Variants in KCNQ1OT1 observed in about 807,000 individuals in gnomAD.
KCNQ1OT1 encodes the protein KCNQ1 antisense RNA 2 (non-protein coding).
Position 2,683,700 on chromosome 11 carries a change from C to T in KCNQ1OT1, n.16295G>A. ...ACTGTGAAAAGCCTAGCCTGGGACT[C>T]AGGCCTTTCCTTACTCCCTCTGGTT... On this transcript the variant is annotated non_coding_transcript_exon_variant, in exon 1 of 1. Coordinates refer to ENST00000597346, the Ensembl canonical transcript of KCNQ1OT1. This position sits in a 1 kb window ranked among gnomAD's most constrained non-coding sequence, Gnocchi z 4.7. 2.5e-6 allele frequency: 1 copy of T among 398,630 alleles called. No homozygotes were observed. The highest frequency in any genetic ancestry group is 4.4e-6 in the Non-Finnish European group (1 of 226,072). The allele number at this position is 398,630 out of a possible 1,614,324, so 24.7% of individuals were successfully genotyped here. A position where few individuals can be genotyped will look rare whatever the true frequency, so the allele number is the denominator to read the frequency against.
Position 2,668,370 on chromosome 11 carries a change from G to A in KCNQ1OT1, n.31625C>T, listed in dbSNP as rs1850121784. The stretch of plus-strand genomic sequence containing the variant: ...GGGTGGGCATATGTTTACTCTTAGT[G>A]AATACTACCCAGCAGTCTACCAAAG... On this transcript the variant is annotated non_coding_transcript_exon_variant, in exon 1 of 1. Coordinates refer to ENST00000597346, the Ensembl canonical transcript of KCNQ1OT1. The surrounding 1 kb of genome is among the most constrained non-coding windows in gnomAD (Gnocchi z 4.3). 1 of 398,596 alleles carries A rather than the reference G, an allele frequency of 2.5e-6. No homozygotes were observed. Among genetic ancestry groups the A allele is most frequent in the Non-Finnish European group, 4.4e-6 (1 of 226,068 alleles). The allele number at this position is 398,596 out of a possible 1,614,324, so 24.7% of individuals were successfully genotyped here.
In KCNQ1OT1 at chr11:2,679,515, T is replaced by C; in HGVS notation, n.20480A>G. 1 of 398,614 alleles carries C rather than the reference T, an allele frequency of 2.5e-6. No individual in the cohort carries two copies. Among genetic ancestry groups the C allele is most frequent in the Non-Finnish European group, 4.4e-6 (1 of 226,058 alleles). The allele number at this position is 398,614 out of a possible 1,614,324, so 24.7% of individuals were successfully genotyped here. ...GTAGTGACACAGTGTTACTTAAATGTATTGCTATACCTCATGATGGCCATT... is the reference window on the plus strand; with the variant it reads ...GTAGTGACACAGTGTTACTTAAATGCATTGCTATACCTCATGATGGCCATT... On this transcript the variant is annotated non_coding_transcript_exon_variant, in exon 1 of 1. Transcript: ENST00000597346. This position sits in a 1 kb window ranked among gnomAD's most constrained non-coding sequence, Gnocchi z 4.8.
At chr11:2,636,524 A>G (rs1211872389) in exon 1 of KCNQ1OT1, 2 of 152,196 alleles carry the variant, frequency 1.3e-5, no homozygotes, top group African/African-American at 4.8e-5. Flanking sequence ...CTTGCATCCC[A>G]GGGATGAAGC....
exon 1 of KCNQ1OT1, chr11:2,699,785 C>T (rs1432284560): frequency 1.8e-5 from 7 of 397,370 alleles, no homozygotes; most frequent in Non-Finnish European, 3.1e-5. Flanking sequence ...CGAGGAGAAC[C>T]GCGCCGAGGG....
rs1023262640 is a variant in KCNQ1OT1 at position 2,690,687 on chromosome 11, T to C, written n.9308A>G. The C allele has an allele frequency of 3.3e-5, 13 of 398,536 alleles. No homozygotes were observed. Among genetic ancestry groups the C allele is most frequent in the African/African-American group, 2.1e-4 (10 of 48,636 alleles). The allele number at this position is 398,536 out of a possible 1,614,324, so 24.7% of individuals were successfully genotyped here. A position where few individuals can be genotyped will look rare whatever the true frequency, so the allele number is the denominator to read the frequency against. ...AGTGCACATAGGTATAGGGGCTGTC[T>C]CTCAGAATTCCTGAGGGCTTTCCAT... On this transcript the variant is annotated non_coding_transcript_exon_variant, in exon 1 of 1. Coordinates refer to ENST00000597346, the Ensembl canonical transcript of KCNQ1OT1. This position sits in a 1 kb window ranked among gnomAD's most constrained non-coding sequence, Gnocchi z 5.1.
rs1300811788 is a variant in KCNQ1OT1, at chr11:2,617,135, A to G, written n.82860T>C. 2 of 398,206 alleles carry G rather than the reference A, an allele frequency of 5.0e-6. No homozygotes were observed. The highest frequency in any genetic ancestry group is 8.9e-6 in the Non-Finnish European group (2 of 225,908). The allele number at this position is 398,206 out of a possible 1,614,324, so 24.7% of individuals were successfully genotyped here. ...TTGGCAAAAATTCCAAATGCAATAT[A>G]CTAACTATTCTCATGTTCTACATGA... On this transcript the variant is annotated non_coding_transcript_exon_variant, in exon 1 of 1. Coordinates refer to ENST00000597346, the Ensembl canonical transcript of KCNQ1OT1. The surrounding 1 kb of genome is among the most constrained non-coding windows in gnomAD (Gnocchi z 4.6).
At chr11:2,689,698 C>T in exon 1 of KCNQ1OT1, 1 of 398,710 alleles carries the variant, frequency 2.5e-6, no homozygotes, top group Admixed American at 4.4e-5. Context: ...GCAGGGGCAG[C>T]TGTCCTTTGC....
rs1849005480 is a variant in KCNQ1OT1, at chr11:2,612,966, G to A, written n.87029C>T. 2.5e-6 allele frequency: 1 copy of A among 398,468 alleles called. No homozygotes were observed. The highest frequency in any genetic ancestry group is 4.4e-6 in the Non-Finnish European group (1 of 226,060). The allele number at this position is 398,468 out of a possible 1,614,324, so 24.7% of individuals were successfully genotyped here. ...TCTGCAGAGTCTGTGTTCTCCTGCA[G>A]TGTGCAGCCACTGGTGTCTTTGCTC... On this transcript the variant is annotated non_coding_transcript_exon_variant, in exon 1 of 1. Coordinates refer to ENST00000597346, the Ensembl canonical transcript of KCNQ1OT1. The surrounding 1 kb of genome is among the most constrained non-coding windows in gnomAD (Gnocchi z 5.5).
At position 2,690,637 on chromosome 11, in the gene KCNQ1OT1, G is replaced by A. The variant is rs1281970693; in HGVS notation, n.9358C>T. ...TGCATGTTCATATATGTGTCAGAAT[G>A]CGTATTTGTCAGTGTATGTGTGTCA... On this transcript the variant is annotated non_coding_transcript_exon_variant, in exon 1 of 1. Transcript: ENST00000597346. This position sits in a 1 kb window ranked among gnomAD's most constrained non-coding sequence, Gnocchi z 5.1. 4 of 398,562 alleles carry A rather than the reference G, an allele frequency of 1.0e-5. No homozygotes were observed. The highest frequency in any genetic ancestry group is 4.1e-5 in the African/African-American group (2 of 48,640). The allele number at this position is 398,562 out of a possible 1,614,324, so 24.7% of individuals were successfully genotyped here.
rs1025927192 is a variant in KCNQ1OT1 at position 2,670,969 on chromosome 11, C to A, written n.29026G>T. ...CATGCCTTCTTATGGTGCCCCAGAG[C>A]CCCTGGCTAGGCATTCATGCTTTAG... On this transcript the variant is annotated non_coding_transcript_exon_variant, in exon 1 of 1. Transcript: ENST00000597346. The surrounding 1 kb of genome is among the most constrained non-coding windows in gnomAD (Gnocchi z 4.9). 2.5e-6 allele frequency: 1 copy of A among 398,510 alleles called. No individual in the cohort carries two copies. The highest frequency in any genetic ancestry group is 2.1e-5 in the African/African-American group (1 of 48,628). 24.7% of individuals were successfully genotyped at this position (398,510 alleles called of 1,614,324 possible).
rs77472205 is a variant in KCNQ1OT1, at chr11:2,646,085, G to T, written n.53910C>A. ...CCAGCCAGTCCCATAGAAGCAGACT[G>T]CCTGACTCCCCTCTTATCCCTTGCA... On this transcript the variant is annotated non_coding_transcript_exon_variant, in exon 1 of 1. Coordinates refer to ENST00000597346, the Ensembl canonical transcript of KCNQ1OT1. 5.4e-3 allele frequency: 2,148 copies of T among 398,594 alleles called. 40 individuals carry two copies. Among genetic ancestry groups the T allele is most frequent in the African/African-American group, 0.039 (1,896 of 48,720 alleles). The allele number at this position is 398,594 out of a possible 1,614,324, so 24.7% of individuals were successfully genotyped here.
chr11:2,698,298 T>C lies in KCNQ1OT1; in HGVS notation n.1697A>G, dbSNP rs1850712726. The C allele has an allele frequency of 2.5e-6, 1 of 398,526 alleles. No homozygotes were observed. The highest frequency in any genetic ancestry group is 4.4e-6 in the Non-Finnish European group (1 of 226,070). 24.7% of individuals were successfully genotyped at this position (398,526 alleles called of 1,614,324 possible). On this transcript the variant is annotated non_coding_transcript_exon_variant, in exon 1 of 1. Transcript: ENST00000597346. This position sits in a 1 kb window ranked among gnomAD's most constrained non-coding sequence, Gnocchi z 5.1. ...GAACTATTCTACCTGGATGAATTAT[T>C]CTCTTTCATAACCAGAACAGTGCTG...
At chr11:2,648,647 A>G (rs1488778756) in exon 1 of KCNQ1OT1, 6 of 398,366 alleles carry the variant, frequency 1.5e-5, no homozygotes, top group South Asian at 2.5e-4. Flanking sequence ...ACTTGATAAG[A>G]TTTTGACTTT....
At position 2,652,614 on chromosome 11, in the gene KCNQ1OT1, G is replaced by A. The variant is rs1057317249; in HGVS notation, n.47381C>T. On this transcript the variant is annotated non_coding_transcript_exon_variant, in exon 1 of 1. Transcript: ENST00000597346. The surrounding 1 kb of genome is among the most constrained non-coding windows in gnomAD (Gnocchi z 5.9). The stretch of plus-strand genomic sequence containing the variant: ...CTGCCTGGAACCTTCCCCTGAAAAT[G>A]TGTCTTGGGAGACCTAGACAGTGAC... The A allele has an allele frequency of 5.0e-6, 2 of 398,458 alleles. No individual in the cohort carries two copies. Among genetic ancestry groups the A allele is most frequent in the African/African-American group, 4.1e-5 (2 of 48,604 alleles). The allele number at this position is 398,458 out of a possible 1,614,324, so 24.7% of individuals were successfully genotyped here.
exon 1 of KCNQ1OT1, chr11:2,675,134 C>A (rs930590978): frequency 2.5e-6 from 1 of 398,504 alleles, no homozygotes; most frequent in Non-Finnish European, 4.4e-6. Context: ...CCTCTTTCTC[C>A]CATCCTTCAC....
exon 1 of KCNQ1OT1, chr11:2,675,331 G>C (rs573491591): frequency 2.5e-6 from 1 of 398,526 alleles, no homozygotes; most frequent in Non-Finnish European, 4.4e-6. Context: ...TGGGATCTAA[G>C]TCATATTTTT....
chr11:2,608,879 CCTCT>C lies in KCNQ1OT1; in HGVS notation n.91112_91115del, dbSNP rs1320107461. ...TCTCCCCCTTTGCCTCATGCACTTC[CCTCT>C]CTGTCTTTCCTCCTCCCCCTCTTTC... is the stretch of plus-strand genomic sequence containing the variant. On this transcript the variant is annotated non_coding_transcript_exon_variant, in exon 1 of 1. Transcript: ENST00000597346. This position sits in a 1 kb window ranked among gnomAD's most constrained non-coding sequence, Gnocchi z 4.6. The C allele has an allele frequency of 2.5e-6, 1 of 398,122 alleles. No individual in the cohort carries two copies. The highest frequency in any genetic ancestry group is 4.4e-6 in the Non-Finnish European group (1 of 225,986). The allele number at this position is 398,122 out of a possible 1,614,324, so 24.7% of individuals were successfully genotyped here. A position where few individuals can be genotyped will look rare whatever the true frequency, so the allele number is the denominator to read the frequency against.
chr11:2,693,579 TC>T (rs1454920517), exon 1 of KCNQ1OT1: 1 of 398,544 alleles, frequency 2.5e-6, no homozygotes, highest in East Asian at 3.6e-5. Flanking sequence ...CAGGGATTCT[TC>T]CATAAATGAG....
At chr11:2,649,900 A>G (rs1564845105) in exon 1 of KCNQ1OT1, 6 of 398,450 alleles carry the variant, frequency 1.5e-5, no homozygotes, top group Non-Finnish European at 1.8e-5. Context: ...CCTTATCCCA[A>G]CACTTCTTCT....
Sources: allele counts gnomAD v4.1 joint callset, GRCh38; gene constraint gnomAD v4.1.1; non-coding constraint Gnocchi (gnomAD v3.1); transcripts MANE v1.5; gene names NCBI Gene and HGNC (gene_info 2026-07-23, HGNC 2026-07-21).